The following PCDH20 variants were observed in gnomAD, a reference collection of about 807,000 sequenced individuals.
PCDH20 encodes the protein protocadherin-20.
A neutral mutation model predicts 39.7 loss-of-function variants in PCDH20; 18 were observed. The observed-to-expected ratio is 0.45, with a 90% CI of 0.31 to 0.67. The LOEUF (loss-of-function observed/expected upper bound fraction) is 0.67. PCDH20 is among the 30% of genes least tolerant of loss of function. The pLI is 0.05. For synonymous variants in PCDH20, 495 were observed against 455.4 expected, an observed-to-expected ratio of 1.09 and a Z score of -1.11; for missense variants, 1,161 against 1,167.4, an observed-to-expected ratio of 0.99 and a Z score of 0.08.
exon 2 of PCDH20, chr13:61,412,969 G>A (rs1202364310): frequency 6.2e-7 from 1 of 1,614,012 alleles, no homozygotes; most frequent in African/African-American, 1.3e-5. Context: ...AATGACTCCA[G>A]TGTTTTCATC....
Position 61,414,993 on chromosome 13 carries a change from C to A in PCDH20, c.132+34G>T, listed in dbSNP as rs750418581. 3 of 1,383,096 alleles carry A rather than the reference C, an allele frequency of 2.2e-6. No homozygotes were observed. The South Asian group carries it at 5.1e-5, about 24-fold the overall frequency. The allele number at this position is 1,383,096 out of a possible 1,614,324, so 85.7% of individuals were successfully genotyped here. On this transcript the variant is annotated intron_variant, in intron 1 of 1. Transcript: ENST00000409204. ...ATTGCTTCACAATACTGCAACTTGT[C>A]GGGGTCGCGGGGTTCCTTGACCCTA...
exon 2 of PCDH20, chr13:61,411,587 T>C: frequency 2.5e-6 from 4 of 1,614,212 alleles, no homozygotes; most frequent in South Asian, 1.1e-5. Flanking sequence ...AGGTTCACCA[T>C]GACTGTGGAG....
exon 2 of PCDH20, chr13:61,413,774 T>C (rs780864755): frequency 1.2e-6 from 2 of 1,613,462 alleles, no homozygotes; most frequent in African/African-American, 2.7e-5. Flanking sequence ...TCAGCACCGG[T>C]GCGCTCTGGC....
rs369509365 is a variant in PCDH20, at chr13:61,411,311, T to C, written c.2788A>G (p.Ile930Val). 9.3e-6 allele frequency: 15 copies of C among 1,613,978 alleles called. No homozygotes were observed. Among genetic ancestry groups the C allele is most frequent in the Non-Finnish European group, 1.3e-5 (15 of 1,179,984 alleles). The change falls in exon 2 of 2, where the codon ATT becomes GTT. Residue 930 changes from isoleucine (I) to valine (V), a missense_variant. Ile to Val is a conservative substitution (Grantham distance 29). Transcript: ENST00000409204. ...AAGTCAATTTTTCCTTTCAGTGGAA[T>C]CTGTACTTCCAAATTTTCATCTTCC... is the stretch of plus-strand genomic sequence containing the variant.
chr13:61,413,942 C>T (rs757076823), exon 2 of PCDH20: 1 of 1,609,050 alleles, frequency 6.2e-7, no homozygotes, highest in African/African-American at 1.3e-5. Flanking sequence ...AAGGGTCCCA[C>T]GAAGAGGAAA....
At chr13:61,414,073 GA>G in intron 1 of PCDH20, 107 bp from the exon 2 acceptor site, 1 of 1,021,622 alleles carries the variant, frequency 9.8e-7, no homozygotes, top group African/African-American at 1.6e-5. Context: ...CCCGTTCCCA[GA>G]AGCAAAACCT....
chr13:61,412,693 A>G (rs1200922608), exon 2 of PCDH20: 1 of 1,614,180 alleles, frequency 6.2e-7, no homozygotes, highest in Non-Finnish European at 8.5e-7. Context: ...TTCACCATCC[A>G]GGTAGCAGTT....
chr13:61,410,881 C>T (rs1878230245), exon 2 of PCDH20: 1 of 164,196 alleles, frequency 6.1e-6, no homozygotes, highest in Non-Finnish European at 1.3e-5. Flanking sequence ...AAAGGAGCAG[C>T]TGATGCCCTC....
exon 2 of PCDH20, chr13:61,412,493 G>A (rs771977278): frequency 6.2e-7 from 1 of 1,614,150 alleles, no homozygotes; most frequent in South Asian, 1.1e-5. Context: ...AAGGGTTGAA[G>A]GAAAATTGGA....
At chr13:61,412,779 A>G (rs768320555) in exon 2 of PCDH20, 2 of 1,614,158 alleles carry the variant, frequency 1.2e-6, no homozygotes, top group East Asian at 2.2e-5. Context: ...GTTCTTTCAG[A>G]TAAACCACAC....
exon 2 of PCDH20, chr13:61,411,905 G>A: frequency 6.2e-7 from 1 of 1,614,152 alleles, no homozygotes; most frequent in Non-Finnish European, 8.5e-7. Flanking sequence ...ATATCTAGAA[G>A]GAGAATTGTG....
intron 1 of PCDH20, among the ~76,000 whole-genome samples, chr13:61,414,364 G>A (rs1164448436): frequency 6.6e-6 from 1 of 152,136 alleles, no homozygotes; most frequent in Non-Finnish European, 1.5e-5. Flanking sequence ...GGGGCTGGTA[G>A]TAGAGAGCAC....
rs989437001 is a variant in PCDH20 at position 61,414,994 on chromosome 13, G to C, written c.132+33C>G. Reference sequence around the variant, plus strand: ...TTGCTTCACAATACTGCAACTTGTCGGGGTCGCGGGGTTCCTTGACCCTAA... The same window carrying C: ...TTGCTTCACAATACTGCAACTTGTCCGGGTCGCGGGGTTCCTTGACCCTAA... On this transcript the variant is annotated intron_variant, in intron 1 of 1. Transcript: ENST00000409204. 2.9e-6 allele frequency: 4 copies of C among 1,385,374 alleles called. No individual in the cohort carries two copies. In the East Asian group the frequency reaches 1.1e-4, roughly 38 times the overall value. The allele number at this position is 1,385,374 out of a possible 1,614,324, so 85.8% of individuals were successfully genotyped here.
At chr13:61,415,088 G>C in exon 1 of PCDH20, 1 of 1,570,460 alleles carries the variant, frequency 6.4e-7, no homozygotes, top group Non-Finnish European at 8.6e-7. Flanking sequence ...ATCCAGGCGC[G>C]GGTGCCAGGT....
At chr13:61,413,067 A>T in exon 2 of PCDH20, 1 of 1,614,210 alleles carries the variant, frequency 6.2e-7, no homozygotes, top group African/African-American at 1.3e-5. Flanking sequence ...CTTTATCCAC[A>T]GCCTGGACAG....
exon 1 of PCDH20, chr13:61,415,186 C>T: frequency 2.9e-6 from 4 of 1,378,960 alleles, no homozygotes; most frequent in South Asian, 1.6e-5. Flanking sequence ...TCAGAGCGCT[C>T]TTGAAGGGAG....
At position 61,410,179 on chromosome 13, in the gene PCDH20, A is replaced by G. The variant is rs571749510; in HGVS notation, c.*1064T>C. On this transcript the variant is annotated 3_prime_UTR_variant, in exon 2 of 2. Transcript: ENST00000409204. ...GAAAGGAAGCCAGAAATGGTAGTCA[A>G]CAAACCTAAACAACAACAAAAAGAT... The G allele has an allele frequency of 7.2e-5, 11 of 152,234 alleles. No individual in the cohort carries two copies. The East Asian group carries it at 2.1e-3, about 29-fold the overall frequency. 9.4% of individuals were successfully genotyped at this position (152,234 alleles called of 1,614,324 possible).
chr13:61,414,960 G>C (rs1288845036), intron 1 of PCDH20, 67 bp downstream of exon 1: 1 of 1,290,690 alleles, frequency 7.7e-7, no homozygotes, highest in Non-Finnish European at 1.0e-6. Flanking sequence ...AAAACCATCC[G>C]AGTGGGAATT....
chr13:61,413,495 T>G (rs1376814959), exon 2 of PCDH20: 1 of 1,613,476 alleles, frequency 6.2e-7, no homozygotes, highest in South Asian at 1.1e-5. Context: ...TTGTCATTGA[T>G]GTCTCTGATG....
Sources: allele counts gnomAD v4.1 joint callset (sites outside exome capture counted in the v4.1 genomes callset), GRCh38; gene constraint gnomAD v4.1.1; transcripts MANE v1.5; gene names NCBI Gene and HGNC (gene_info 2026-07-23, HGNC 2026-07-21).